The following DNAH11 variants were observed in gnomAD, a reference collection of about 807,000 sequenced individuals.
The protein encoded by DNAH11 is axonemal beta dynein heavy chain 11.
In DNAH11, 442 loss-of-function variants were observed where a neutral mutation model predicts 526.0. The ratio of observed to expected loss-of-function variants is 0.84; its 90% CI spans 0.78 to 0.91. The LOEUF (loss-of-function observed/expected upper bound fraction) is 0.91, where lower values mean the gene tolerates loss of function less well. Ranked by LOEUF, DNAH11 falls within the 40% of genes least tolerant of loss-of-function variation. The pLI, the probability that DNAH11 is intolerant of heterozygous loss-of-function variation, is 0.00. For synonymous variants in DNAH11, 2,461 were observed against 1,935.9 expected, an observed-to-expected ratio of 1.27 and a Z score of -7.12; for missense variants, 6,989 against 5,448.7, an observed-to-expected ratio of 1.28 and a Z score of -8.90.
intron 45 of DNAH11, among the ~76,000 whole-genome samples, chr7:21,727,187 C>T (rs1482996780): frequency 6.6e-6 from 1 of 151,900 alleles, no homozygotes; most frequent in Admixed American, 6.5e-5. Context: ...CCCACCTCGG[C>T]CTCCCAGAGT....
intron 55 of DNAH11, among the ~76,000 whole-genome samples, chr7:21,770,216 T>G (rs898104210): frequency 5.9e-5 from 9 of 152,202 alleles, no homozygotes; most frequent in Non-Finnish European, 1.3e-4. Flanking sequence ...GATTTTTTTT[T>G]GATTTTGGAA....
At chr7:21,693,203 C>A (rs531152463) in intron 35 of DNAH11, among the ~76,000 whole-genome samples, 3 of 152,084 alleles carry the variant, frequency 2.0e-5, no homozygotes, top group African/African-American at 7.2e-5. Context: ...CTTTTATAAG[C>A]TTTGTTGTTC....
chr7:21,820,848 C>T (rs879273482), intron 65 of DNAH11, among the ~76,000 whole-genome samples: 2 of 152,132 alleles, frequency 1.3e-5, no homozygotes, highest in Non-Finnish European at 2.9e-5. Flanking sequence ...GATCATAAGT[C>T]AGTGGGGAAG....
chr7:21,867,834 G>GA (rs1554290535), intron 71 of DNAH11, 25 bp from the exon 72 acceptor site: 2 of 1,550,784 alleles, frequency 1.3e-6, no homozygotes, highest in Admixed American at 3.9e-5. Context: ...CACTGATCAT[G>GA]TTTTTATATT....
At chr7:21,715,856 T>TCCA (rs1784642461) in intron 42 of DNAH11, among the ~76,000 whole-genome samples, 1 of 122,712 alleles carries the variant, frequency 8.1e-6, no homozygotes, top group African/African-American at 3.5e-5. Context: ...TTATCTGATT[T>TCCA]CCCCCTCCCA....
intron 45 of DNAH11, 55 bp from the exon 46 acceptor site, chr7:21,735,585 C>T (rs1283094651): frequency 6.7e-6 from 10 of 1,500,534 alleles, no homozygotes; most frequent in South Asian, 4.9e-5. Flanking sequence ...GCCTCTCTCT[C>T]GCACGCACTC....
chr7:21,681,376 G>C (rs1744756304), intron 30 of DNAH11, among the ~76,000 whole-genome samples, 170 bp from the exon 31 acceptor site: 1 of 151,978 alleles, frequency 6.6e-6, no homozygotes, highest in South Asian at 2.1e-4. Flanking sequence ...GCAGTGAGCA[G>C]AGATCATGCC....
At chr7:21,765,692 C>T in intron 55 of DNAH11, 103 bp downstream of exon 55, 1 of 1,338,520 alleles carries the variant, frequency 7.5e-7, no homozygotes, top group Non-Finnish European at 9.9e-7. Flanking sequence ...GTGCTTTCCA[C>T]AGTACATCTC....
intron 51 of DNAH11, 35 bp downstream of exon 51, chr7:21,745,098 G>T (rs1446027741): frequency 1.3e-6 from 2 of 1,570,626 alleles, no homozygotes; most frequent in Non-Finnish European, 1.7e-6. Flanking sequence ...TTCCACAAAA[G>T]GAAGAATGGC....
intron 65 of DNAH11, among the ~76,000 whole-genome samples, chr7:21,824,889 T>A (rs1790208141): frequency 6.6e-6 from 1 of 152,178 alleles, no homozygotes; most frequent in African/African-American, 2.4e-5. Context: ...ATATTGTTTT[T>A]GAAACAGAGT....
At chr7:21,881,422 A>C (rs188002022) in intron 75 of DNAH11, among the ~76,000 whole-genome samples, 66 of 152,348 alleles carry the variant, frequency 4.3e-4, no homozygotes, top group African/African-American at 1.5e-3. Flanking sequence ...ATTTGAAGTT[A>C]AAGGTAGATG....
At position 21,592,172 on chromosome 7, in the gene DNAH11, T is replaced by C. The variant is rs75338756; in HGVS notation, c.2667+595T>C. Among the ~76,000 whole-genome samples, 128 of 152,298 alleles carry C rather than the reference T, an allele frequency of 8.4e-4. 2 individuals carry two copies. In the East Asian group the frequency reaches 0.019, roughly 23 times the overall value. ...CCTTTATTTCATGGAGCTTACACTC[T>C]AGTCAGAGGAAGTTAGCAAGAGAAA... On this transcript the variant is annotated intron_variant, in intron 14 of 81. Transcript: ENST00000409508.
chr7:21,897,626 CTTTTT>C (rs11303225), intron 79 of DNAH11, among the ~76,000 whole-genome samples: 1 of 151,876 alleles, frequency 6.6e-6, no homozygotes, highest in Non-Finnish European at 1.5e-5. Context: ...TAGAATTACA[CTTTTT>C]TTTTGAGAGA....
intron 18 of DNAH11, among the ~76,000 whole-genome samples, chr7:21,604,365 C>T (rs1454622413): frequency 2.6e-5 from 4 of 152,154 alleles, no homozygotes; most frequent in Non-Finnish European, 4.4e-5. Flanking sequence ...TCCCATTCCT[C>T]CTCACACCCC....
chr7:21,859,618 C>G (rs1188808687), intron 68 of DNAH11, among the ~76,000 whole-genome samples: 2 of 152,196 alleles, frequency 1.3e-5, no homozygotes, highest in Admixed American at 1.3e-4. Context: ...ATTTTACTTT[C>G]ACTCAAATAT....
chr7:21,838,498 C>T (rs1782080627), intron 65 of DNAH11, among the ~76,000 whole-genome samples: 3 of 152,124 alleles, frequency 2.0e-5, no homozygotes, highest in Non-Finnish European at 4.4e-5. Context: ...ATGGAAATTG[C>T]TGTATCTTTC....
intron 65 of DNAH11, among the ~76,000 whole-genome samples, chr7:21,835,847 T>C (rs1249698553): frequency 7.3e-6 from 1 of 136,498 alleles, no homozygotes; most frequent in East Asian, 2.1e-4. Context: ...ATTGTATATA[T>C]AGAAAGCCCC....
At chr7:21,668,397 C>G (rs1488129837) in intron 30 of DNAH11, among the ~76,000 whole-genome samples, 4 of 152,134 alleles carry the variant, frequency 2.6e-5, no homozygotes, top group Admixed American at 6.5e-5. Context: ...TTTGCACTCC[C>G]TAAATCCAGA....
At chr7:21,650,381 A>G (rs1348901665) in intron 28 of DNAH11, among the ~76,000 whole-genome samples, 3 of 152,060 alleles carry the variant, frequency 2.0e-5, no homozygotes, top group Non-Finnish European at 4.4e-5. Context: ...ACTCATTGCT[A>G]TTTTTGAGTT....
Sources: gnomAD v4.1 joint callset for allele counts (sites outside exome capture counted in the v4.1 genomes callset) on GRCh38, gnomAD v4.1.1 for gene constraint, MANE v1.5 for transcripts, NCBI Gene and HGNC (gene_info 2026-07-23, HGNC 2026-07-21) for gene names.